The following KIF5C variants were observed in gnomAD, a reference collection of about 807,000 sequenced individuals.
KIF5C encodes the protein kinesin family member 5C.
Under a neutral mutation model 125.2 loss-of-function variants are expected in KIF5C, and 18 were observed. That is an observed-to-expected ratio of 0.14 (90% CI 0.10 to 0.21). KIF5C has a LOEUF of 0.21. KIF5C is among the 10% of genes least tolerant of loss of function. KIF5C has a pLI of 1.00. For synonymous variants in KIF5C, 405 were observed against 434.0 expected (o/e 0.93, Z 0.83); for missense variants, 780 against 1,183.8 (o/e 0.66, Z 5.01).
rs1469568840 is a variant in KIF5C, at chr2:148,942,770, G to C, written c.589+10G>C. Reference sequence around the variant, plus strand: ...CACGTGGCTGTGACAAGTAAGCATGGTGGGGGTGTTTCCTCCCCTGCAGCT... The same window carrying C: ...CACGTGGCTGTGACAAGTAAGCATGCTGGGGGTGTTTCCTCCCCTGCAGCT... On this transcript the variant is annotated intron_variant, in intron 7 of 25. Transcript: ENST00000435030. 6.2e-7 allele frequency: 1 copy of C among 1,605,144 alleles called. No individual in the cohort carries two copies. Among genetic ancestry groups the C allele is most frequent in the East Asian group, 2.2e-5 (1 of 44,590 alleles).
chr2:148,880,029 C>G (rs1258032336), intron 1 of KIF5C, among the ~76,000 whole-genome samples: 4 of 152,176 alleles, frequency 2.6e-5, no homozygotes, highest in Non-Finnish European at 5.9e-5. Flanking sequence ...AGAAATACAG[C>G]TACACCTTAA....
intron 1 of KIF5C, among the ~76,000 whole-genome samples, chr2:148,881,719 C>CAGGTT (rs1558869803): frequency 2.0e-5 from 3 of 151,614 alleles, no homozygotes; most frequent in African/African-American, 7.3e-5. Context: ...GTCCTTACCT[C>CAGGTT]TAAATCATCG....
chr2:148,986,495 CAG>C (rs1681385266), intron 15 of KIF5C, among the ~76,000 whole-genome samples: 1 of 152,154 alleles, frequency 6.6e-6, no homozygotes, highest in Admixed American at 6.5e-5. Context: ...TAAGCTCAGA[CAG>C]TATCAAAAAT....
intron 1 of KIF5C, chr2:148,884,221 A>T (rs1681450901): frequency 6.6e-6 from 1 of 152,126 alleles, no homozygotes; most frequent in Non-Finnish European, 1.5e-5. Context: ...TGTTTGTTGG[A>T]GGTGATCAAA....
chr2:148,999,534 A>T (rs1029421112), intron 19 of KIF5C, among the ~76,000 whole-genome samples: 1 of 152,228 alleles, frequency 6.6e-6, no homozygotes, highest in Admixed American at 6.5e-5. Context: ...TCCTGAAGGA[A>T]GGCACTTAGC....
At chr2:148,917,785 GT>G (rs1450946157) in intron 1 of KIF5C, among the ~76,000 whole-genome samples, 3 of 152,204 alleles carry the variant, frequency 2.0e-5, no homozygotes, top group Non-Finnish European at 4.4e-5. Flanking sequence ...GCCTTTGCTT[GT>G]TTCTTTCTTG....
intron 11 of KIF5C, among the ~76,000 whole-genome samples, chr2:148,963,375 A>G (rs1272581265): frequency 6.6e-6 from 1 of 152,078 alleles, no homozygotes; most frequent in African/African-American, 2.4e-5. Flanking sequence ...TTGTCTTGTG[A>G]TTACACGTTT....
intron 25 of KIF5C, among the ~76,000 whole-genome samples, chr2:149,021,864 T>C (rs1175463758): frequency 1.3e-5 from 2 of 152,048 alleles, no homozygotes; most frequent in Non-Finnish European, 2.9e-5. Context: ...TAGAGTACCA[T>C]GAGCTCTGCA....
chr2:148,967,652 T>C (rs1336519624), intron 11 of KIF5C, among the ~76,000 whole-genome samples: 1 of 152,230 alleles, frequency 6.6e-6, no homozygotes, highest in Non-Finnish European at 1.5e-5. Context: ...CACAATCTAC[T>C]AGTGACATCT....
intron 21 of KIF5C, among the ~76,000 whole-genome samples, chr2:149,002,860 A>G (rs1392309449): frequency 6.6e-6 from 1 of 152,164 alleles, no homozygotes; most frequent in African/African-American, 2.4e-5. Flanking sequence ...ATGTTTCATC[A>G]GCTCTTTTGC....
intron 14 of KIF5C, among the ~76,000 whole-genome samples, chr2:148,982,974 G>A (rs775850565): frequency 6.6e-6 from 1 of 152,208 alleles, no homozygotes; most frequent in Non-Finnish European, 1.5e-5. Flanking sequence ...GGATGAAAAA[G>A]AGATGGGTTT....
chr2:148,903,345 T>C (rs1680977288), intron 1 of KIF5C, among the ~76,000 whole-genome samples: 2 of 152,218 alleles, frequency 1.3e-5, no homozygotes, highest in Admixed American at 1.3e-4. Flanking sequence ...TTAAGTGTCA[T>C]GATGCAAGGC....
intron 24 of KIF5C, among the ~76,000 whole-genome samples, chr2:149,011,316 C>T (rs1234179146): frequency 5.9e-5 from 9 of 152,176 alleles, no homozygotes; most frequent in Admixed American, 5.9e-4. Context: ...TTTTTTCTAA[C>T]TTTTCTTGGC....
At chr2:149,021,574 A>G (rs1245357577) in intron 25 of KIF5C, among the ~76,000 whole-genome samples, 1 of 152,134 alleles carries the variant, frequency 6.6e-6, no homozygotes, top group Non-Finnish European at 1.5e-5. Context: ...ATATTATAAC[A>G]TATAAATCAG....
intron 10 of KIF5C, among the ~76,000 whole-genome samples, chr2:148,956,326 A>T (rs1682791580): frequency 6.6e-6 from 1 of 152,186 alleles, no homozygotes; most frequent in East Asian, 1.9e-4. Flanking sequence ...GACAATGGGG[A>T]GGTAGTTTCC....
intron 12 of KIF5C, among the ~76,000 whole-genome samples, chr2:148,975,942 G>T (rs1013573200): frequency 6.6e-6 from 1 of 152,136 alleles, no homozygotes; most frequent in Non-Finnish European, 1.5e-5. Flanking sequence ...CCTGGGCTGG[G>T]CTGGGCTCTG....
intron 1 of KIF5C, 74 bp downstream of exon 1, chr2:148,875,817 G>T: frequency 6.5e-7 from 1 of 1,534,632 alleles, no homozygotes; most frequent in Non-Finnish European, 8.8e-7. Flanking sequence ...CAGACGCAGC[G>T]GAGGTGTTTA....
chr2:148,924,145 A>G lies in KIF5C; in HGVS notation c.217+1918A>G, dbSNP rs1489510315. On this transcript the variant is annotated intron_variant, in intron 2 of 25. Transcript: ENST00000435030. The surrounding 1 kb of genome is among the most constrained non-coding windows in gnomAD (Gnocchi z 4.0). ...ACTGAGGCTAGTGTGAGAAGTGGCC[A>G]TGTATTTCAGAATCAGTAAGCTAAA... Among the ~76,000 whole-genome samples the G allele has an allele frequency of 1.3e-5, 2 of 152,214 alleles. No individual in the cohort carries two copies. Among genetic ancestry groups the G allele is most frequent in the Non-Finnish European group, 2.9e-5 (2 of 68,030 alleles).
chr2:148,895,656 C>T lies in KIF5C; in HGVS notation c.126+19913C>T, dbSNP rs1681819390. Among the ~76,000 whole-genome samples the T allele has an allele frequency of 2.6e-5, 4 of 152,194 alleles. No homozygotes were observed. In the South Asian group the frequency reaches 8.3e-4, roughly 32 times the overall value. Reference sequence around the variant, plus strand: ...TTAATATAACTAGCGTATTAGTTTGCTTGAACTGTCAAAACAAAATACTAC... The same window carrying T: ...TTAATATAACTAGCGTATTAGTTTGTTTGAACTGTCAAAACAAAATACTAC... On this transcript the variant is annotated intron_variant, in intron 1 of 25. Transcript: ENST00000435030.
Sources: gnomAD v4.1 joint callset for allele counts (sites outside exome capture counted in the v4.1 genomes callset) on GRCh38, gnomAD v4.1.1 for gene constraint, Gnocchi (gnomAD v3.1) non-coding constraint, MANE v1.5 for transcripts, NCBI Gene and HGNC (gene_info 2026-07-23, HGNC 2026-07-21) for gene names.